THOC1: variants seen among roughly 807,000 people sequenced by gnomAD.
THOC1 encodes the protein THO complex 1.
THOC1 carries 29 observed loss-of-function variants against 97.3 expected under a neutral mutation model. That is an observed-to-expected ratio of 0.30 (90% CI 0.22 to 0.41). The LOEUF is 0.41. Among genes scored for constraint, THOC1 ranks in the 10% least tolerant of loss-of-function variants. The pLI is 1.00. For missense variants in THOC1, 529 were observed against 761.9 expected (o/e 0.69, Z 3.60); for synonymous variants, 255 against 257.0 (o/e 0.99, Z 0.07).
rs760405319 is a variant in THOC1, at chr18:214,598, G to GTT, written c.*26_*27dup. ...CTGCTTGGTAACAAAATCTATCACA[G>GTT]TTTTAATAAAAAGAAAAAAAAAAGA... is the stretch of plus-strand genomic sequence containing the variant. On this transcript the variant is annotated 3_prime_UTR_variant, in exon 21 of 21. Coordinates refer to ENST00000261600, the MANE Select transcript of THOC1 (RefSeq NM_005131.3). 11 of 1,569,196 alleles carry GTT rather than the reference G, an allele frequency of 7.0e-6. No individual in the cohort carries two copies. Among genetic ancestry groups the GTT allele is most frequent in the Non-Finnish European group, 9.5e-6 (11 of 1,155,640 alleles).
rs559433857 is a variant in THOC1, at chr18:259,169, T to C, written c.520+11A>G. On this transcript the variant is annotated intron_variant, in intron 7 of 20. Transcript: ENST00000261600. ...TCCTGCAGAAAACTCATTTAATGCA[T>C]AAAAGCTTACCTGATTTCTCAGACA... 173 of 1,603,090 alleles carry C rather than the reference T, an allele frequency of 1.1e-4. 1 individual carries two copies. In the East Asian group the frequency reaches 3.8e-3, roughly 35 times the overall value.
intron 11 of THOC1, chr18:244,399 T>G (rs987323727): frequency 6.6e-6 from 1 of 152,096 alleles, no homozygotes; most frequent in Non-Finnish European, 1.5e-5. Context: ...GGTCACTGAG[T>G]GGTAAGTTAT....
chr18:258,620 T>C (rs1263453704), intron 7 of THOC1, among the ~76,000 whole-genome samples: 2 of 152,090 alleles, frequency 1.3e-5, no homozygotes, highest in African/African-American at 2.4e-5. Context: ...AGCCCAATAT[T>C]AAGGAAGGGA....
intron 5 of THOC1, 44 bp downstream of exon 5, chr18:260,142 T>C: frequency 1.6e-6 from 2 of 1,261,474 alleles, no homozygotes; most frequent in Non-Finnish European, 2.1e-6. Flanking sequence ...ATTCTGGATC[T>C]ATAGAAAGAT....
chr18:240,896 A>G (rs1440076654), intron 11 of THOC1, among the ~76,000 whole-genome samples: 1 of 152,132 alleles, frequency 6.6e-6, no homozygotes, highest in Non-Finnish European at 1.5e-5. Context: ...TTGGTGGGAG[A>G]CAGTGACAGA....
At chr18:227,927 A>G (rs1911353353) in intron 11 of THOC1, among the ~76,000 whole-genome samples, 1 of 150,314 alleles carries the variant, frequency 6.7e-6, no homozygotes, top group Non-Finnish European at 1.5e-5. Flanking sequence ...AACCCCTTCC[A>G]CACTGTGGCT....
chr18:231,308 C>A (rs1392316663), intron 11 of THOC1, among the ~76,000 whole-genome samples: 2 of 152,130 alleles, frequency 1.3e-5, no homozygotes, highest in Non-Finnish European at 2.9e-5. Flanking sequence ...GATATTCTAA[C>A]CCTAAAAAGG....
intron 20 of THOC1, 93 bp from the exon 21 acceptor site, chr18:215,014 T>C (rs1910821142): frequency 1.7e-5 from 19 of 1,090,186 alleles, no homozygotes; most frequent in Non-Finnish European, 2.4e-5. Context: ...TAACCACCTT[T>C]AGTAGACTTT....
intron 7 of THOC1, among the ~76,000 whole-genome samples, chr18:255,416 G>A (rs775547236): frequency 8.5e-5 from 13 of 152,216 alleles, no homozygotes; most frequent in Admixed American, 6.5e-4. Context: ...CCTTACTGCT[G>A]ATACAGAGAA....
intron 3 of THOC1, 131 bp from the exon 4 acceptor site, chr18:264,223 C>T: frequency 1.6e-6 from 1 of 632,774 alleles, no homozygotes; most frequent in Non-Finnish European, 2.6e-6. Flanking sequence ...TTATAGAAAA[C>T]AATATTTTCT....
At chr18:251,724 G>GT in intron 9 of THOC1, among the ~76,000 whole-genome samples, 1 of 152,298 alleles carries the variant, frequency 6.6e-6, no homozygotes, top group African/African-American at 2.4e-5. Flanking sequence ...TCCAGGATAA[G>GT]TGAGTGTGGG....
chr18:226,738 TAAGC>T, intron 12 of THOC1, 59 bp downstream of exon 12: 1 of 1,272,192 alleles, frequency 7.9e-7, no homozygotes. Context: ...AGAAAAATCG[TAAGC>T]AAGTCCTTTT....
At chr18:240,827 T>C in intron 11 of THOC1, among the ~76,000 whole-genome samples, 1 of 152,154 alleles carries the variant, frequency 6.6e-6, no homozygotes, top group Middle Eastern at 3.2e-3. Flanking sequence ...CTCACCATAA[T>C]GTAGAATCAG....
intron 7 of THOC1, among the ~76,000 whole-genome samples, chr18:258,450 A>T (rs1453995690): frequency 1.3e-5 from 2 of 152,194 alleles, no homozygotes; most frequent in African/African-American, 4.8e-5. Context: ...ACATAAAATA[A>T]GTATGAAAGA....
intron 13 of THOC1, 78 bp downstream of exon 13, chr18:225,259 T>TCAGG: frequency 6.4e-7 from 1 of 1,568,590 alleles, no homozygotes; most frequent in Non-Finnish European, 8.7e-7. Flanking sequence ...TATCCTTATT[T>TCAGG]TCCTATTTGG....
chr18:233,269 G>A (rs1203722059), intron 11 of THOC1, among the ~76,000 whole-genome samples: 1 of 152,124 alleles, frequency 6.6e-6, no homozygotes, highest in Non-Finnish European at 1.5e-5. Context: ...TTTCCATATG[G>A]ATAATGAATT....
At chr18:215,017 T>A in intron 20 of THOC1, 96 bp from the exon 21 acceptor site, 1 of 1,071,484 alleles carries the variant, frequency 9.3e-7, no homozygotes, top group Non-Finnish European at 1.4e-6. Context: ...CCACCTTTAG[T>A]AGACTTTATT....
At chr18:252,156 G>A (rs554489279) in intron 9 of THOC1, among the ~76,000 whole-genome samples, 3 of 152,282 alleles carry the variant, frequency 2.0e-5, no homozygotes, top group Admixed American at 2.0e-4. Flanking sequence ...TTAAGAGCAA[G>A]GGGAGAGAAG....
chr18:217,664 G>C (rs969110133), intron 18 of THOC1, among the ~76,000 whole-genome samples: 2 of 152,096 alleles, frequency 1.3e-5, no homozygotes, highest in African/African-American at 4.8e-5. Context: ...TGAGAAAGTG[G>C]TAAGTGCCAC....
Sources: allele counts gnomAD v4.1 joint callset (sites outside exome capture counted in the v4.1 genomes callset), GRCh38; gene constraint gnomAD v4.1.1; transcripts MANE v1.5; gene names NCBI Gene and HGNC (gene_info 2026-07-23, HGNC 2026-07-21).